SDCCAG8: variants seen among roughly 807,000 people sequenced by gnomAD.
SDCCAG8 encodes serologically defined colon cancer antigen 8.
In SDCCAG8, 74 loss-of-function variants were observed where a neutral mutation model predicts 101.8. The ratio of observed to expected loss-of-function variants is 0.73; its 90% CI spans 0.60 to 0.88. SDCCAG8 has a LOEUF of 0.88. Ranked by LOEUF, SDCCAG8 falls within the 40% of genes least tolerant of loss-of-function variation. The pLI, the probability that SDCCAG8 is intolerant of heterozygous loss-of-function variation, is 0.00. For missense variants in SDCCAG8, 787 were observed against 822.6 expected (o/e 0.96, Z 0.53); for synonymous variants, 281 against 292.9 (o/e 0.96, Z 0.41).
chr1:243,411,804 T>C (rs2080201009), intron 13 of SDCCAG8, among the ~76,000 whole-genome samples: 1 of 152,244 alleles, frequency 6.6e-6, no homozygotes, highest in Admixed American at 6.5e-5. Flanking sequence ...GGTTAGACTA[T>C]ACCACAGTTT....
In SDCCAG8 at chr1:243,497,337, TGG is replaced by T. The variant is rs373624566; in HGVS notation, c.2113-2409_2113-2408del. 7.3e-4 allele frequency among the ~76,000 whole-genome samples: 26 copies of T among 35,420 alleles called. 1 individual carries two copies. Among genetic ancestry groups the T allele is most frequent in the African/African-American group, 2.2e-3 (26 of 11,858 alleles). The allele number at this position is 35,420 out of a possible 152,430, so 23.2% of individuals were successfully genotyped here. On this transcript the variant is annotated intron_variant, in intron 17 of 17. Transcript: ENST00000366541. Reference sequence around the variant, plus strand: ...GGTCAGGCACGGCTGTAGGCACGGGTGGGGGGGGGGGCGTTGAGCAGTGAACG... The same window carrying T: ...GGTCAGGCACGGCTGTAGGCACGGGTGGGGGGGGGCGTTGAGCAGTGAACG...
Position 243,499,857 on chromosome 1 carries a change from G to C in SDCCAG8, c.*72G>C. ...CATTCATCTGGTTTAGACTTAATAT[G>C]CCACAACGCACCACGACCTTCCCAG... On this transcript the variant is annotated 3_prime_UTR_variant, in exon 18 of 18. Transcript: ENST00000366541. The C allele has an allele frequency of 6.9e-7, 1 of 1,452,972 alleles. No individual in the cohort carries two copies. The highest frequency in any genetic ancestry group is 1.4e-5 in the African/African-American group (1 of 71,494). 90.0% of individuals were successfully genotyped at this position (1,452,972 alleles called of 1,614,324 possible). A position where few individuals can be genotyped will look rare whatever the true frequency, so the allele number is the denominator to read the frequency against.
intron 6 of SDCCAG8, among the ~76,000 whole-genome samples, chr1:243,300,732 C>A (rs769771636): frequency 2.4e-4 from 37 of 152,172 alleles, no homozygotes; most frequent in Non-Finnish European, 4.4e-4. Flanking sequence ...CTCTGTGAGG[C>A]CTTCTTTACT....
chr1:243,349,093 G>A (rs1232506100), intron 12 of SDCCAG8, among the ~76,000 whole-genome samples: 2 of 152,030 alleles, frequency 1.3e-5, no homozygotes, highest in African/African-American at 2.4e-5. Flanking sequence ...GCAAGTGTAA[G>A]GACCCTTCTG....
chr1:243,437,589 T>G (rs1174157283), intron 16 of SDCCAG8, among the ~76,000 whole-genome samples: 1 of 146,802 alleles, frequency 6.8e-6, no homozygotes, highest in African/African-American at 2.5e-5. Context: ...CAGGCTGGAG[T>G]GCAGTGGTGC....
At chr1:243,318,254 C>G (rs2636323) in intron 9 of SDCCAG8, among the ~76,000 whole-genome samples, 67,685 of 152,040 alleles carry the variant, frequency 0.45, 17,742 homozygotes, top group East Asian at 0.74. Context: ...AACGCAGGAA[C>G]AGAAAGCCAA....
intron 13 of SDCCAG8, among the ~76,000 whole-genome samples, chr1:243,413,292 A>G (rs1319404481): frequency 6.6e-6 from 1 of 152,042 alleles, no homozygotes; most frequent in African/African-American, 2.4e-5. Flanking sequence ...TGCATCCTCT[A>G]CCTCTCAGGT....
At chr1:243,384,532 T>C (rs2078153828) in intron 13 of SDCCAG8, among the ~76,000 whole-genome samples, 1 of 152,052 alleles carries the variant, frequency 6.6e-6, no homozygotes, top group Non-Finnish European at 1.5e-5. Flanking sequence ...TAACAAACAA[T>C]GCAAGTAGGT....
chr1:243,418,128 A>T lies in SDCCAG8; in HGVS notation c.1853+52A>T, dbSNP rs2080733686. The T allele has an allele frequency of 3.1e-6, 4 of 1,272,830 alleles. No homozygotes were observed. The Admixed American group carries it at 6.8e-5, about 22-fold the overall frequency. The allele number at this position is 1,272,830 out of a possible 1,614,324, so 78.8% of individuals were successfully genotyped here. ...AGAGCACTGTTTGTGTGATTACTCT[A>T]ATTTTTCCTTAAAAAACATCATTTG... On this transcript the variant is annotated intron_variant, in intron 15 of 17. Coordinates refer to ENST00000366541, the MANE Select transcript of SDCCAG8 (RefSeq NM_006642.5).
chr1:243,450,973 T>C (rs1282067420), intron 16 of SDCCAG8, among the ~76,000 whole-genome samples: 1 of 152,256 alleles, frequency 6.6e-6, no homozygotes, highest in Non-Finnish European at 1.5e-5. Context: ...TCTAAAATGC[T>C]GCTAAAATCA....
At chr1:243,492,390 C>T (rs368085550) in intron 17 of SDCCAG8, among the ~76,000 whole-genome samples, 14 of 150,514 alleles carry the variant, frequency 9.3e-5, no homozygotes, top group African/African-American at 3.4e-4. Flanking sequence ...CAACCTCCGC[C>T]TCCCGGCTTC....
intron 10 of SDCCAG8, among the ~76,000 whole-genome samples, chr1:243,337,064 T>C (rs968698361): frequency 1.3e-5 from 2 of 152,144 alleles, no homozygotes; most frequent in African/African-American, 2.4e-5. Context: ...TAGTCATAAA[T>C]TCTTTCCCAA....
At chr1:243,321,298 G>A (rs1309748001) in intron 9 of SDCCAG8, among the ~76,000 whole-genome samples, 1 of 152,014 alleles carries the variant, frequency 6.6e-6, no homozygotes, top group East Asian at 1.9e-4. Context: ...TTGAAAGAGG[G>A]GTACATGTGT....
chr1:243,459,642 C>CT (rs1260892654), intron 16 of SDCCAG8, among the ~76,000 whole-genome samples: 1 of 152,176 alleles, frequency 6.6e-6, no homozygotes, highest in Non-Finnish European at 1.5e-5. Flanking sequence ...GGGTTTAACT[C>CT]TGTTGTGCAG....
At chr1:243,419,162 C>A (rs61270917) in intron 15 of SDCCAG8, among the ~76,000 whole-genome samples, 2 of 151,966 alleles carry the variant, frequency 1.3e-5, no homozygotes, top group Non-Finnish European at 2.9e-5. Flanking sequence ...CCCTGCTCAC[C>A]AGGAAGGCAG....
rs750977738 is a variant in SDCCAG8, at chr1:243,308,100, G to A, written c.852G>A (p.Leu284=). The change falls in exon 8 of 18, where the codon TTG becomes TTA. Residue 284 remains leucine, a synonymous_variant. Transcript: ENST00000366541. ...NTCNRVGGLC[L]KCAQHEAVLS... ...GTAACCGTGTTGGTGGTCTTTGTTT[G>A]AAATGTGCTCAGCATGAAGCTGTTC... 1 of 1,614,184 alleles carries A rather than the reference G, an allele frequency of 6.2e-7. No homozygotes were observed. Among genetic ancestry groups the A allele is most frequent in the African/African-American group, 1.3e-5 (1 of 75,054 alleles).
At position 243,458,551 on chromosome 1, in the gene SDCCAG8, G is replaced by A. The variant is rs889159758; in HGVS notation, c.1986-30463G>A. Among the ~76,000 whole-genome samples the A allele has an allele frequency of 1.3e-5, 2 of 152,064 alleles. No individual in the cohort carries two copies. The highest frequency in any genetic ancestry group is 4.8e-5 in the African/African-American group (2 of 41,406). On this transcript the variant is annotated intron_variant, in intron 16 of 17. Coordinates refer to ENST00000366541, the MANE Select transcript of SDCCAG8 (RefSeq NM_006642.5). The surrounding 1 kb of genome is among the most constrained non-coding windows in gnomAD (Gnocchi z 4.5). ...AATTTTCATAACCACCACATGAAGC[G>A]AGTACTAGCAATATCCCCATTTTAA...
intron 12 of SDCCAG8, among the ~76,000 whole-genome samples, chr1:243,366,865 AATT>A (rs2077016329): frequency 1.3e-5 from 2 of 152,040 alleles, no homozygotes; most frequent in South Asian, 2.1e-4. Context: ...ATGTATATAA[AATT>A]ATCTGGCCAT....
chr1:243,359,463 T>A (rs1480243493), intron 12 of SDCCAG8, among the ~76,000 whole-genome samples: 1 of 152,088 alleles, frequency 6.6e-6, no homozygotes, highest in Admixed American at 6.5e-5. Context: ...AGAAAAAAAA[T>A]ATATCATCCA....
Sources: gnomAD v4.1 joint callset for allele counts (sites outside exome capture counted in the v4.1 genomes callset) on GRCh38, gnomAD v4.1.1 for gene constraint, Gnocchi (gnomAD v3.1) non-coding constraint, MANE v1.5 for transcripts, NCBI Gene and HGNC (gene_info 2026-07-23, HGNC 2026-07-21) for gene names.